The following GABRB2 variants were observed in gnomAD, a reference collection of about 807,000 sequenced individuals.
GABRB2 encodes the protein gamma-aminobutyric acid type A receptor subunit beta2.
A neutral mutation model predicts 54.7 loss-of-function variants in GABRB2; 16 were observed. The ratio of observed to expected loss-of-function variants is 0.29; its 90% CI spans 0.20 to 0.44. The LOEUF is 0.44. Among genes scored for constraint, GABRB2 ranks in the 20% least tolerant of loss-of-function variants. GABRB2 has a pLI of 1.00. For synonymous variants in GABRB2, 244 were observed against 233.8 expected (o/e 1.04, Z -0.40); for missense variants, 355 against 644.0 (o/e 0.55, Z 4.86).
At chr5:161,354,745 C>A (rs1000859858) in intron 5 of GABRB2, among the ~76,000 whole-genome samples, 20 of 151,964 alleles carry the variant, frequency 1.3e-4, no homozygotes, top group African/African-American at 4.6e-4. Flanking sequence ...TAAAACAAAC[C>A]TTTTTACTTG....
intron 3 of GABRB2, among the ~76,000 whole-genome samples, chr5:161,536,398 T>C (rs898171567): frequency 6.6e-5 from 10 of 152,120 alleles, no homozygotes; most frequent in African/African-American, 2.2e-4. Context: ...GGTCACAGAG[T>C]GTTCACACCT....
chr5:161,326,156 T>G (rs1411561481), intron 9 of GABRB2, among the ~76,000 whole-genome samples: 1 of 152,176 alleles, frequency 6.6e-6, no homozygotes, highest in Non-Finnish European at 1.5e-5. Context: ...AGTGAAACAC[T>G]GAAGCTTAGG....
chr5:161,497,428 G>T (rs1759285377), intron 3 of GABRB2, among the ~76,000 whole-genome samples: 1 of 152,042 alleles, frequency 6.6e-6, no homozygotes, highest in African/African-American at 2.4e-5. Flanking sequence ...CTCATAGCTG[G>T]AAACTAATCT....
intron 2 of GABRB2, 46 bp from the exon 3 acceptor site, chr5:161,545,340 C>G (rs1169218663): frequency 8.8e-6 from 13 of 1,468,952 alleles, no homozygotes; most frequent in Non-Finnish European, 1.2e-5. Flanking sequence ...GAACTTCATT[C>G]ATTCTCAGCA....
At chr5:161,451,761 A>T (rs182394981) in intron 4 of GABRB2, among the ~76,000 whole-genome samples, 18 of 152,252 alleles carry the variant, frequency 1.2e-4, no homozygotes, top group Non-Finnish European at 2.2e-4. Context: ...TGTTAATTTA[A>T]AAAGATACAA....
intron 2 of GABRB2, among the ~76,000 whole-genome samples, chr5:161,546,026 G>C (rs555436537): frequency 7.9e-5 from 12 of 152,320 alleles, no homozygotes; most frequent in African/African-American, 2.6e-4. Flanking sequence ...CTAAACTTAA[G>C]AGGTTTGTGT....
At chr5:161,294,995 T>C (rs1757343690) in intron 9 of GABRB2, among the ~76,000 whole-genome samples, 1 of 152,216 alleles carries the variant, frequency 6.6e-6, no homozygotes, top group South Asian at 2.1e-4. Context: ...GATGTCACCT[T>C]AAATTTGTAA....
At chr5:161,536,761 C>A (rs546833947) in intron 3 of GABRB2, among the ~76,000 whole-genome samples, 2 of 152,214 alleles carry the variant, frequency 1.3e-5, no homozygotes, top group East Asian at 3.9e-4. Flanking sequence ...CCACGCCCAG[C>A]TAATTTTTGT....
At chr5:161,353,015 T>C (rs1211003751) in intron 5 of GABRB2, among the ~76,000 whole-genome samples, 1 of 152,034 alleles carries the variant, frequency 6.6e-6, no homozygotes, top group East Asian at 1.9e-4. Context: ...ATATTTTCCA[T>C]GTTGTTCTAA....
chr5:161,498,306 C>A (rs1759319262), intron 3 of GABRB2, among the ~76,000 whole-genome samples: 1 of 151,750 alleles, frequency 6.6e-6, no homozygotes, highest in South Asian at 2.1e-4. Flanking sequence ...GATGAACCAC[C>A]ACTCTTTCGT....
intron 5 of GABRB2, among the ~76,000 whole-genome samples, chr5:161,373,383 A>G (rs189101778): frequency 6.6e-6 from 1 of 152,318 alleles, no homozygotes; most frequent in Admixed American, 6.5e-5. Flanking sequence ...AAGACTAAAC[A>G]ATATATAATA....
Position 161,521,453 on chromosome 5 carries a change from A to C in GABRB2, c.237+23774T>G, listed in dbSNP as rs1581055568. Among the ~76,000 whole-genome samples the C allele has an allele frequency of 2.0e-5, 3 of 151,956 alleles. No individual in the cohort carries two copies. In the East Asian group the frequency reaches 5.8e-4, roughly 29 times the overall value. The stretch of plus-strand genomic sequence containing the variant: ...AATTTCTGGAGTTTATTTTCGAAAA[A>C]AAAGAAAGCAAAGAAGGAAGGAGAG... On this transcript the variant is annotated intron_variant, in intron 3 of 9. Transcript: ENST00000393959.
At chr5:161,322,680 T>C (rs764996349) in intron 9 of GABRB2, among the ~76,000 whole-genome samples, 32 of 152,352 alleles carry the variant, frequency 2.1e-4, no homozygotes, top group Non-Finnish European at 4.0e-4. Context: ...GTATATTTAT[T>C]ATGCTTCCTC....
At chr5:161,412,561 C>G (rs757496541) in intron 4 of GABRB2, among the ~76,000 whole-genome samples, 5 of 152,190 alleles carry the variant, frequency 3.3e-5, no homozygotes, top group African/African-American at 4.8e-5. Context: ...GATCTTTTCA[C>G]TCCTCTGCCT....
At chr5:161,328,230 T>C (rs893657787) in intron 8 of GABRB2, among the ~76,000 whole-genome samples, 1 of 152,224 alleles carries the variant, frequency 6.6e-6, no homozygotes, top group African/African-American at 2.4e-5. Flanking sequence ...TTAGGGATGC[T>C]ACTGCATTCC....
chr5:161,310,477 CT>C (rs1757828053), intron 9 of GABRB2, among the ~76,000 whole-genome samples: 2 of 152,176 alleles, frequency 1.3e-5, no homozygotes, highest in Admixed American at 1.3e-4. Flanking sequence ...TTCTGGCTGG[CT>C]TGCTTGTTTC....
chr5:161,494,103 A>G (rs1759158240), intron 3 of GABRB2, among the ~76,000 whole-genome samples: 1 of 151,828 alleles, frequency 6.6e-6, no homozygotes, highest in East Asian at 1.9e-4. Flanking sequence ...ACTGCTAAAT[A>G]TATATCTACA....
intron 4 of GABRB2, among the ~76,000 whole-genome samples, chr5:161,429,471 G>C (rs1757113976): frequency 6.6e-6 from 1 of 151,750 alleles, no homozygotes; most frequent in African/African-American, 2.4e-5. Flanking sequence ...AGATATACCA[G>C]ATTTTGCTAG....
At chr5:161,334,400 A>C (rs1753932818) in intron 7 of GABRB2, among the ~76,000 whole-genome samples, 1 of 152,202 alleles carries the variant, frequency 6.6e-6, no homozygotes. Flanking sequence ...TTCATGGAGA[A>C]AAAAACGTAG....
Sources: gnomAD v4.1 joint callset for allele counts (sites outside exome capture counted in the v4.1 genomes callset) on GRCh38, gnomAD v4.1.1 for gene constraint, MANE v1.5 for transcripts, NCBI Gene and HGNC (gene_info 2026-07-23, HGNC 2026-07-21) for gene names.